Variants in FAM135A observed in about 807,000 individuals in gnomAD.
FAM135A encodes the protein protein FAM135A.
In FAM135A, 79 loss-of-function variants were observed where a neutral mutation model predicts 146.8. The ratio of observed to expected loss-of-function variants is 0.54; its 90% confidence interval spans 0.45 to 0.65. The LOEUF (loss-of-function observed/expected upper bound fraction) is 0.65. Ranked by LOEUF, FAM135A falls within the 30% of genes least tolerant of loss-of-function variation. The pLI, the probability that FAM135A is intolerant of heterozygous loss-of-function variation, is 0.00. For missense variants in FAM135A, 1,623 were observed against 1,758.2 expected (o/e 0.92, Z 1.38); for synonymous variants, 562 against 603.6 (o/e 0.93, Z 1.01).
intron 4 of FAM135A, 45 bp downstream of exon 4, chr6:70,428,464 C>A: frequency 7.5e-7 from 1 of 1,324,730 alleles, no homozygotes; most frequent in Non-Finnish European, 1.0e-6. Context: ...ATAAGATGTA[C>A]AGTTTAAATT....
rs756580835 is a variant in FAM135A, at chr6:70,525,314, TATC to T, written c.2233_2235del (p.His745del). The T allele has an allele frequency of 1.4e-5, 22 of 1,610,654 alleles. No homozygotes were observed. Among genetic ancestry groups the T allele is most frequent in the Non-Finnish European group, 1.8e-5 (21 of 1,178,646 alleles). On this transcript the variant is annotated inframe_deletion, in exon 15 of 22. Transcript: ENST00000418814. ...TCTACCTGCCCCTTCTACAAAAGAA[TATC>T]ATGTTGTAGTAAGTGGAGATACAAT...
Position 70,526,075 on chromosome 6 carries a change from A to G in FAM135A, c.2991A>G (p.Lys997=), listed in dbSNP as rs1794630414. Residue 997 remains lysine, a synonymous_variant, in exon 15 of 22, where the codon AAA becomes AAG. Coordinates refer to ENST00000418814, the MANE Select transcript of FAM135A (RefSeq NM_001162529.3). ...NTDVSEDRTM[K]KNSDVLNLTQ... is the part of the protein sequence containing the mutation. ...ATGTTAGTGAAGATAGAACTATGAAAAAAAATAGTGATGTATTAAATCTCA... is the reference window on the plus strand; with the variant it reads ...ATGTTAGTGAAGATAGAACTATGAAGAAAAATAGTGATGTATTAAATCTCA... 6.2e-7 allele frequency: 1 copy of G among 1,612,878 alleles called. No homozygotes were observed. The highest frequency in any genetic ancestry group is 1.3e-5 in the African/African-American group (1 of 75,010).
chr6:70,489,249 T>G (rs1156445934), intron 10 of FAM135A, among the ~76,000 whole-genome samples: 12 of 152,138 alleles, frequency 7.9e-5, no homozygotes, highest in Non-Finnish European at 1.6e-4. Context: ...TGTTGCTGGT[T>G]TTTTAGTTTT....
intron 11 of FAM135A, among the ~76,000 whole-genome samples, chr6:70,498,529 G>A (rs923339224): frequency 6.6e-6 from 1 of 152,076 alleles, no homozygotes; most frequent in Non-Finnish European, 1.5e-5. Context: ...TTTTGAATTT[G>A]TTTGTTCTTG....
chr6:70,557,823 C>T (rs1801195374), intron 21 of FAM135A: 1 of 151,952 alleles, frequency 6.6e-6, no homozygotes, highest in East Asian at 1.9e-4. Flanking sequence ...GTGAACAGCT[C>T]CTTAAGGCAA....
At position 70,524,716 on chromosome 6, in the gene FAM135A, T is replaced by C; in HGVS notation, c.1632T>C (p.His544=). The C allele has an allele frequency of 6.5e-7, 1 of 1,549,956 alleles. No individual in the cohort carries two copies. The highest frequency in any genetic ancestry group is 8.7e-7 in the Non-Finnish European group (1 of 1,146,464). ...AATGCTTTGAAGGCAATCCTTCACA[T>C]AGTCAGAAGGAAGGTCTGGATCCCA... The part of the protein sequence containing the change: ...LIKCFEGNPS[H]SQKEGLDPTI... The change falls in exon 15 of 22, where the codon CAT becomes CAC. Residue 544 remains histidine, a synonymous_variant. Transcript: ENST00000418814.
chr6:70,499,075 T>C (rs527713049), intron 11 of FAM135A, among the ~76,000 whole-genome samples: 56 of 152,256 alleles, frequency 3.7e-4, no homozygotes, highest in Non-Finnish European at 7.2e-4. Flanking sequence ...GACAGTGGGG[T>C]TTTAAAGACT....
chr6:70,495,221 G>A (rs1786946271), intron 11 of FAM135A, among the ~76,000 whole-genome samples: 1 of 152,054 alleles, frequency 6.6e-6, no homozygotes, highest in South Asian at 2.1e-4. Context: ...CATAAATTAT[G>A]GGAGCTCTTT....
intron 12 of FAM135A, among the ~76,000 whole-genome samples, chr6:70,505,790 G>T (rs1342671807): frequency 6.6e-6 from 1 of 151,758 alleles, no homozygotes; most frequent in East Asian, 1.9e-4. Context: ...ATTTTTGGTG[G>T]TGTTAATTTT....
chr6:70,488,788 C>G (rs923602985), intron 10 of FAM135A, among the ~76,000 whole-genome samples: 7 of 152,038 alleles, frequency 4.6e-5, no homozygotes, highest in African/African-American at 1.7e-4. Context: ...GTTTCATATT[C>G]TTTCCAAAAT....
intron 20 of FAM135A, among the ~76,000 whole-genome samples, chr6:70,551,352 G>C (rs931906671): frequency 2.0e-5 from 3 of 152,168 alleles, no homozygotes; most frequent in African/African-American, 4.8e-5. Flanking sequence ...GCTCACGCCT[G>C]TAATTCCAGA....
chr6:70,473,147 G>A (rs764981480), intron 5 of FAM135A, among the ~76,000 whole-genome samples: 4 of 152,154 alleles, frequency 2.6e-5, no homozygotes, highest in South Asian at 2.1e-4. Flanking sequence ...AGATATGGCC[G>A]GGGCATTCTC....
chr6:70,510,367 T>C (rs73485116), intron 12 of FAM135A, among the ~76,000 whole-genome samples: 7,014 of 152,136 alleles, frequency 0.046, 359 homozygotes, highest in African/African-American at 0.11. Context: ...AGTCACAGTG[T>C]TGTGTAACCA....
At chr6:70,537,140 T>C (rs923739761) in intron 19 of FAM135A, among the ~76,000 whole-genome samples, 2 of 152,108 alleles carry the variant, frequency 1.3e-5, no homozygotes, top group Non-Finnish European at 2.9e-5. Flanking sequence ...TTCACCATGT[T>C]GGCCAGAATG....
At chr6:70,433,683 T>C (rs866895094) in intron 4 of FAM135A, among the ~76,000 whole-genome samples, 1 of 152,090 alleles carries the variant, frequency 6.6e-6, no homozygotes, top group Non-Finnish European at 1.5e-5. Flanking sequence ...TAATCTCTCA[T>C]CCTCTAACAG....
chr6:70,419,614 A>G (rs774279761), intron 2 of FAM135A, among the ~76,000 whole-genome samples: 4 of 152,184 alleles, frequency 2.6e-5, no homozygotes, highest in Non-Finnish European at 4.4e-5. Context: ...ATTAAATAGT[A>G]TGCAGATTAC....
chr6:70,491,935 G>T (rs1049353289), intron 11 of FAM135A, among the ~76,000 whole-genome samples: 2 of 151,730 alleles, frequency 1.3e-5, no homozygotes, highest in South Asian at 2.1e-4. Context: ...TGATACTCCT[G>T]TAGATAATCA....
intron 5 of FAM135A, among the ~76,000 whole-genome samples, chr6:70,474,002 C>T (rs562534445): frequency 3.2e-4 from 49 of 152,308 alleles, no homozygotes; most frequent in Admixed American, 1.6e-3. Context: ...CTCAAAGTCA[C>T]CGCTGCACTT....
chr6:70,427,781 G>A (rs1229949228), intron 3 of FAM135A, among the ~76,000 whole-genome samples: 1 of 152,048 alleles, frequency 6.6e-6, no homozygotes, highest in Non-Finnish European at 1.5e-5. Context: ...GAATACTTTA[G>A]AATTTGTAAT....
Sources: gnomAD v4.1 joint callset for allele counts (sites outside exome capture counted in the v4.1 genomes callset) on GRCh38, gnomAD v4.1.1 for gene constraint, MANE v1.5 for transcripts, NCBI Gene and HGNC (gene_info 2026-07-23, HGNC 2026-07-21) for gene names.